CSGALNACT1: variants seen among roughly 807,000 people sequenced by gnomAD.
CSGALNACT1 encodes beta4GalNAcT-1.
Under a neutral mutation model 51.0 loss-of-function variants are expected in CSGALNACT1, and 52 were observed. The ratio of observed to expected loss-of-function variants is 1.02; its 90% CI spans 0.82 to 1.29. The LOEUF is 1.29. Among genes scored for constraint, CSGALNACT1 ranks in the 50% most tolerant of loss-of-function variants. The pLI, the probability that CSGALNACT1 is intolerant of heterozygous loss-of-function variation, is 0.00. For missense variants in CSGALNACT1, 935 were observed against 679.2 expected (o/e 1.38, Z -4.19); for synonymous variants, 341 against 254.4 (o/e 1.34, Z -3.24).
chr8:19,435,403 G>A (rs1458751013), intron 6 of CSGALNACT1, among the ~76,000 whole-genome samples: 1 of 151,300 alleles, frequency 6.6e-6, no homozygotes, highest in Non-Finnish European at 1.5e-5. Flanking sequence ...TGAGGCAGGA[G>A]AATTGCTTGA....
At chr8:19,472,718 T>A (rs954533344) in intron 4 of CSGALNACT1, among the ~76,000 whole-genome samples, 3 of 152,176 alleles carry the variant, frequency 2.0e-5, no homozygotes, top group African/African-American at 7.2e-5. Flanking sequence ...GAGACTGACT[T>A]GAGAATAGAA....
chr8:19,621,244 T>C (rs937412456), intron 1 of CSGALNACT1, among the ~76,000 whole-genome samples: 1 of 152,120 alleles, frequency 6.6e-6, no homozygotes, highest in African/African-American at 2.4e-5. Flanking sequence ...AGAGGTGTGC[T>C]GGCAAATGTT....
chr8:19,435,620 C>G (rs1416411765), intron 6 of CSGALNACT1, among the ~76,000 whole-genome samples: 3 of 152,134 alleles, frequency 2.0e-5, no homozygotes, highest in Non-Finnish European at 4.4e-5. Flanking sequence ...GGTTCCCAGG[C>G]TTCATCTCAG....
intron 1 of CSGALNACT1, among the ~76,000 whole-genome samples, chr8:19,673,392 G>C (rs548525469): frequency 6.6e-6 from 1 of 152,164 alleles, no homozygotes; most frequent in Non-Finnish European, 1.5e-5. Flanking sequence ...AGATGCATGC[G>C]ACAGCTCTTT....
In CSGALNACT1 at chr8:19,757,538, C is replaced by G. The variant is rs1290369632; in HGVS notation, c.-297+312G>C. Among the ~76,000 whole-genome samples, 1 of 152,102 alleles carries G rather than the reference C, an allele frequency of 6.6e-6. No homozygotes were observed. The highest frequency in any genetic ancestry group is 1.5e-5 in the Non-Finnish European group (1 of 67,994). ...GAAGCCTGTCACTCTCGGAAGGGGC[C>G]GCGCTCGGACACCAGGGGCGGTTTA... On this transcript the variant is annotated intron_variant, in intron 1 of 1. Coordinates refer to the CSGALNACT1 transcript ENST00000517494. The surrounding 1 kb of genome is among the most constrained non-coding windows in gnomAD (Gnocchi z 4.0).
chr8:19,409,360 A>G (rs940468387), intron 8 of CSGALNACT1, among the ~76,000 whole-genome samples: 3 of 152,230 alleles, frequency 2.0e-5, no homozygotes, highest in Admixed American at 6.5e-5. Context: ...TCCCAAAAGC[A>G]TCTACCGTGG....
At chr8:19,503,970 A>C (rs146173398) in intron 4 of CSGALNACT1, among the ~76,000 whole-genome samples, 143 of 152,336 alleles carry the variant, frequency 9.4e-4, no homozygotes, top group Middle Eastern at 6.8e-3. Flanking sequence ...AGGCTTTTTG[A>C]TTTGATGGAA....
rs2047417766 is a variant in CSGALNACT1, at chr8:19,589,841, A to C, written c.-297+1319T>G. 4.6e-5 allele frequency among the ~76,000 whole-genome samples: 7 copies of C among 152,224 alleles called. No homozygotes were observed. The South Asian group carries it at 1.0e-3, about 22-fold the overall frequency. On this transcript the variant is annotated intron_variant, in intron 3 of 9. Coordinates refer to ENST00000454498, the Ensembl canonical transcript of CSGALNACT1. ...ATAATTACAAAATATGTTGCAGCCA[A>C]ATCATTAATCCACAGAAAATAGGCA...
At chr8:19,674,304 T>A (rs911197792) in intron 1 of CSGALNACT1, among the ~76,000 whole-genome samples, 2 of 150,818 alleles carry the variant, frequency 1.3e-5, no homozygotes, top group African/African-American at 2.4e-5. Flanking sequence ...AAAAAAAAAA[T>A]TTTAAGGGAG....
chr8:19,702,273 C>A (rs2061922141), intron 1 of CSGALNACT1, among the ~76,000 whole-genome samples: 1 of 152,060 alleles, frequency 6.6e-6, no homozygotes, highest in Non-Finnish European at 1.5e-5. Context: ...ACCTGTAATC[C>A]CAATGCTTTG....
chr8:19,689,402 C>G (rs529953526), intron 1 of CSGALNACT1, among the ~76,000 whole-genome samples: 77 of 152,286 alleles, frequency 5.1e-4, no homozygotes, highest in Non-Finnish European at 9.1e-4. Flanking sequence ...GATTCTCCAG[C>G]CCCCTGAACG....
chr8:19,451,180 C>T (rs1025849890), intron 5 of CSGALNACT1, among the ~76,000 whole-genome samples: 4 of 152,162 alleles, frequency 2.6e-5, no homozygotes, highest in African/African-American at 9.7e-5. Context: ...AACCTCATCT[C>T]ACCCAACAGA....
intron 1 of CSGALNACT1, among the ~76,000 whole-genome samples, chr8:19,611,326 C>A (rs1418905817): frequency 1.3e-5 from 2 of 152,138 alleles, no homozygotes; most frequent in African/African-American, 4.8e-5. Context: ...TTTAAGGTAG[C>A]TGGGATTAGA....
chr8:19,649,268 G>C (rs142506498), intron 1 of CSGALNACT1, among the ~76,000 whole-genome samples: 154 of 152,266 alleles, frequency 1.0e-3, no homozygotes, highest in Non-Finnish European at 1.9e-3. Context: ...GAACCTCCTA[G>C]TGTAGATATT....
At chr8:19,512,195 C>G (rs1283254021) in intron 3 of CSGALNACT1, among the ~76,000 whole-genome samples, 1 of 152,180 alleles carries the variant, frequency 6.6e-6, no homozygotes, top group African/African-American at 2.4e-5. Context: ...TTGTGAGCAG[C>G]CTTGTGGAGG....
intron 4 of CSGALNACT1, chr8:19,495,102 A>G (rs149903901): frequency 6.6e-6 from 1 of 152,200 alleles, no homozygotes; most frequent in South Asian, 2.1e-4. Flanking sequence ...ATCTCAATGG[A>G]AACAGGTGGA....
At chr8:19,531,381 A>G (rs2082734975) in intron 3 of CSGALNACT1, among the ~76,000 whole-genome samples, 1 of 152,232 alleles carries the variant, frequency 6.6e-6, no homozygotes, top group Admixed American at 6.5e-5. Context: ...CATATTCTGG[A>G]CTGCTAAAGA....
chr8:19,457,817 C>T (rs2064436901), intron 5 of CSGALNACT1: 1 of 1,350,970 alleles, frequency 7.4e-7, no homozygotes, highest in African/African-American at 1.5e-5. Flanking sequence ...ATCAGCAGGC[C>T]TGAAAAATGA....
At chr8:19,547,925 T>C (rs1442500799) in intron 3 of CSGALNACT1, among the ~76,000 whole-genome samples, 2 of 152,150 alleles carry the variant, frequency 1.3e-5, no homozygotes, top group African/African-American at 4.8e-5. Context: ...GGTTGGTAGT[T>C]ATTGATGGGA....
Sources: gnomAD v4.1 joint callset for allele counts (sites outside exome capture counted in the v4.1 genomes callset) on GRCh38, gnomAD v4.1.1 for gene constraint, Gnocchi (gnomAD v3.1) non-coding constraint, MANE v1.5 for transcripts, NCBI Gene and HGNC (gene_info 2026-07-23, HGNC 2026-07-21) for gene names.